Variants in RORB observed in about 807,000 individuals in gnomAD.
The protein encoded by RORB is nuclear receptor ROR-beta.
Under a neutral mutation model 59.1 loss-of-function variants are expected in RORB, and 6 were observed. The ratio of observed to expected loss-of-function variants is 0.10; its 90% CI spans 0.06 to 0.20. RORB has a LOEUF of 0.20. Ranked by LOEUF, RORB falls within the 10% of genes least tolerant of loss-of-function variation. RORB has a pLI of 1.00. For synonymous variants in RORB, 215 were observed against 204.5 expected (o/e 1.05, Z -0.44); for missense variants, 320 against 560.5 (o/e 0.57, Z 4.33).
intron 1 of RORB, among the ~76,000 whole-genome samples, chr9:74,606,156 G>A (rs1275576486): frequency 1.3e-5 from 2 of 152,148 alleles, no homozygotes; most frequent in Non-Finnish European, 2.9e-5. Flanking sequence ...TTAACACAAT[G>A]CCTGGCTCCT....
intron 1 of RORB, among the ~76,000 whole-genome samples, chr9:74,507,132 C>A (rs536510372): frequency 6.6e-6 from 1 of 152,194 alleles, no homozygotes; most frequent in Non-Finnish European, 1.5e-5. Flanking sequence ...ACACATACAA[C>A]CACTTCATGT....
intron 1 of RORB, among the ~76,000 whole-genome samples, chr9:74,586,723 A>G (rs1388793463): frequency 6.6e-6 from 1 of 151,694 alleles, no homozygotes; most frequent in Non-Finnish European, 1.5e-5. Flanking sequence ...TTTTCTCTAA[A>G]TGTGGCACAT....
At chr9:74,571,706 T>C (rs550772847) in intron 1 of RORB, among the ~76,000 whole-genome samples, 1 of 152,218 alleles carries the variant, frequency 6.6e-6, no homozygotes, top group Non-Finnish European at 1.5e-5. Context: ...AGAGTTCTGG[T>C]TTTTAATATG....
intron 1 of RORB, among the ~76,000 whole-genome samples, chr9:74,513,271 T>C (rs987390002): frequency 1.3e-5 from 2 of 152,144 alleles, no homozygotes; most frequent in African/African-American, 2.4e-5. Flanking sequence ...TAGTAAATAA[T>C]AGTCAAGCAA....
intron 9 of RORB, among the ~76,000 whole-genome samples, chr9:74,676,730 G>T (rs1360629972): frequency 6.6e-6 from 1 of 152,140 alleles, no homozygotes; most frequent in Admixed American, 6.5e-5. Context: ...CGTATTTCTG[G>T]CTGGCCAGAA....
intron 1 of RORB, among the ~76,000 whole-genome samples, chr9:74,603,738 T>G (rs939334061): frequency 3.3e-5 from 5 of 152,222 alleles, no homozygotes; most frequent in African/African-American, 1.2e-4. Context: ...TTAGATAGTT[T>G]ATAGATGGCT....
At chr9:74,579,232 TA>T (rs539018894) in intron 1 of RORB, among the ~76,000 whole-genome samples, 302 of 152,256 alleles carry the variant, frequency 2.0e-3, no homozygotes, top group Non-Finnish European at 3.8e-3. Context: ...CATAGAATTT[TA>T]AACTAAATAG....
intron 2 of RORB, among the ~76,000 whole-genome samples, chr9:74,632,974 A>G (rs770202896): frequency 7.2e-5 from 11 of 152,130 alleles, no homozygotes; most frequent in Non-Finnish European, 1.5e-4. Context: ...ACTTGGATCT[A>G]TAGGGATGAA....
intron 1 of RORB, among the ~76,000 whole-genome samples, chr9:74,583,319 C>T (rs1017593768): frequency 4.6e-5 from 7 of 152,090 alleles, no homozygotes; most frequent in East Asian, 1.9e-4. Context: ...GCACCTTCTC[C>T]GAACACCCAA....
At chr9:74,684,992 T>C in intron 9 of RORB, among the ~76,000 whole-genome samples, 1 of 152,216 alleles carries the variant, frequency 6.6e-6, no homozygotes, top group East Asian at 1.9e-4. Context: ...ATCTCCAGTG[T>C]TGTTAACACT....
intron 1 of RORB, among the ~76,000 whole-genome samples, chr9:74,530,118 T>C (rs1355850457): frequency 1.3e-5 from 2 of 151,984 alleles, no homozygotes; most frequent in East Asian, 1.9e-4. Context: ...GAGATAAATC[T>C]AAATTCCACT....
intron 1 of RORB, among the ~76,000 whole-genome samples, chr9:74,524,873 T>C (rs1337046708): frequency 6.6e-6 from 1 of 151,898 alleles, no homozygotes; most frequent in Non-Finnish European, 1.5e-5. Flanking sequence ...ATGTCTTTGA[T>C]TCTAATTTCC....
intron 4 of RORB, among the ~76,000 whole-genome samples, chr9:74,654,712 C>A (rs189350033): frequency 1.8e-4 from 28 of 152,250 alleles, no homozygotes; most frequent in Admixed American, 5.2e-4. Context: ...ATTGTCATTT[C>A]TATCCCATAA....
intron 9 of RORB, among the ~76,000 whole-genome samples, chr9:74,684,028 C>T (rs1228699123): frequency 3.3e-5 from 5 of 152,158 alleles, no homozygotes; most frequent in African/African-American, 1.2e-4. Context: ...CCGCATTTTT[C>T]ATTTCTATCT....
At position 74,635,701 on chromosome 9, in the gene RORB, A is replaced by G. The variant is rs79962752; in HGVS notation, c.235+929A>G. ...TCTACCTAGAGCCTAAGACATAGAC[A>G]ATGCCCTGACACTTTCTGTCTTTAT... is the stretch of plus-strand genomic sequence containing the variant. On this transcript the variant is annotated intron_variant, in intron 3 of 9. Transcript: ENST00000376896. 1.4e-3 allele frequency among the ~76,000 whole-genome samples: 218 copies of G among 152,224 alleles called. 2 individuals carry two copies. The highest frequency in any genetic ancestry group is 1.3e-3 in the Non-Finnish European group (86 of 68,004).
chr9:74,503,038 A>G (rs1035801282), intron 1 of RORB, among the ~76,000 whole-genome samples: 1 of 152,090 alleles, frequency 6.6e-6, no homozygotes, highest in African/African-American at 2.4e-5. Flanking sequence ...AGAAAAGTAA[A>G]TATTAGAAAT....
chr9:74,524,865 G>A (rs953798200), intron 1 of RORB, among the ~76,000 whole-genome samples: 1 of 151,722 alleles, frequency 6.6e-6, no homozygotes, highest in Non-Finnish European at 1.5e-5. Context: ...TGAAAAATAT[G>A]TCTTTGATTC....
intron 1 of RORB, among the ~76,000 whole-genome samples, chr9:74,590,573 C>T (rs903741891): frequency 2.0e-5 from 3 of 152,080 alleles, no homozygotes; most frequent in Admixed American, 2.0e-4. Flanking sequence ...ATATAAAATG[C>T]CAAGCAGGTT....
At chr9:74,511,176 A>T (rs1825932583) in intron 1 of RORB, among the ~76,000 whole-genome samples, 1 of 152,192 alleles carries the variant, frequency 6.6e-6, no homozygotes, top group Non-Finnish European at 1.5e-5. Flanking sequence ...CTCATGATGT[A>T]TTCAATATAC....
Sources: gnomAD v4.1 joint callset for allele counts (sites outside exome capture counted in the v4.1 genomes callset) on GRCh38, gnomAD v4.1.1 for gene constraint, MANE v1.5 for transcripts, NCBI Gene and HGNC (gene_info 2026-07-23, HGNC 2026-07-21) for gene names.